The following NAALADL2 variants were observed in gnomAD, a reference collection of about 807,000 sequenced individuals.
NAALADL2 encodes the protein inactive N-acetylated-alpha-linked acidic dipeptidase-like protein 2.
NAALADL2 carries 76 observed loss-of-function variants against 87.2 expected under a neutral mutation model. That is an observed-to-expected ratio of 0.87 (90% CI 0.72 to 1.05). The LOEUF (loss-of-function observed/expected upper bound fraction) is 1.05. Ranked by LOEUF, NAALADL2 falls within the 50% of genes least tolerant of loss-of-function variation. The pLI is 0.00. For missense variants in NAALADL2, 1,089 were observed against 945.8 expected, an observed-to-expected ratio of 1.15 and a Z score of -1.99; for synonymous variants, 354 against 331.0, an observed-to-expected ratio of 1.07 and a Z score of -0.75.
intron 13 of NAALADL2, among the ~76,000 whole-genome samples, chr3:175,757,387 G>T (rs1311859421): frequency 6.6e-6 from 1 of 151,974 alleles, no homozygotes; most frequent in Admixed American, 6.6e-5. Flanking sequence ...GAGGTTTAAG[G>T]TGCCCATTAG....
At chr3:174,457,770 C>A (rs1715939358) in intron 1 of NAALADL2, among the ~76,000 whole-genome samples, 3 of 151,898 alleles carry the variant, frequency 2.0e-5, no homozygotes, top group Admixed American at 2.0e-4. Flanking sequence ...AAGATCGTGC[C>A]ATTGCACTTC....
chr3:174,824,756 TTA>T (rs1721798663), intron 3 of NAALADL2, among the ~76,000 whole-genome samples: 1 of 152,336 alleles, frequency 6.6e-6, no homozygotes, highest in South Asian at 2.1e-4. Context: ...CTGACATTCA[TTA>T]TGTCTGTGCT....
intron 3 of NAALADL2, among the ~76,000 whole-genome samples, chr3:174,740,533 A>G (rs894643391): frequency 6.6e-6 from 1 of 151,924 alleles, no homozygotes; most frequent in African/African-American, 2.4e-5. Flanking sequence ...AAAATGTGAC[A>G]GTGGCTTTAA....
chr3:175,275,446 C>T (rs1264225063), intron 4 of NAALADL2, among the ~76,000 whole-genome samples: 1 of 145,976 alleles, frequency 6.9e-6, no homozygotes, highest in Non-Finnish European at 1.5e-5. Flanking sequence ...TTCATTTATA[C>T]ACATCTGGAC....
intron 1 of NAALADL2, among the ~76,000 whole-genome samples, chr3:174,891,582 C>T (rs1028251105): frequency 1.3e-5 from 2 of 152,038 alleles, no homozygotes; most frequent in Non-Finnish European, 2.9e-5. Flanking sequence ...CAGCTGACAC[C>T]GCTTACAGAG....
chr3:175,337,302 C>T (rs948167722), intron 5 of NAALADL2, among the ~76,000 whole-genome samples: 4 of 151,854 alleles, frequency 2.6e-5, no homozygotes, highest in African/African-American at 9.7e-5. Context: ...ATATATTTGA[C>T]CATGGAATCC....
chr3:175,564,707 G>T (rs1716825382), intron 9 of NAALADL2, among the ~76,000 whole-genome samples: 2 of 152,174 alleles, frequency 1.3e-5, no homozygotes, highest in Admixed American at 1.3e-4. Context: ...GGTCATTTAA[G>T]GTCCTATGGG....
intron 5 of NAALADL2, among the ~76,000 whole-genome samples, chr3:175,423,162 A>T (rs1356274941): frequency 2.0e-5 from 1 of 49,026 alleles, no homozygotes; most frequent in Non-Finnish European, 4.0e-5. Context: ...ATGTTCTAAG[A>T]AAGGGAGGGG....
At chr3:175,773,419 G>A (rs1749772132) in intron 13 of NAALADL2, 1 of 152,002 alleles carries the variant, frequency 6.6e-6, no homozygotes, top group South Asian at 2.1e-4. Flanking sequence ...GGAACCTGCT[G>A]GTGATTGCTT....
chr3:175,585,573 T>C (rs1270891309), intron 10 of NAALADL2, among the ~76,000 whole-genome samples: 2 of 152,172 alleles, frequency 1.3e-5, no homozygotes, highest in Admixed American at 6.5e-5. Flanking sequence ...TTCCTTGTAG[T>C]AGTTTGTTTA....
At chr3:175,111,168 G>T (rs982172987) in intron 2 of NAALADL2, among the ~76,000 whole-genome samples, 1 of 151,690 alleles carries the variant, frequency 6.6e-6, no homozygotes, top group African/African-American at 2.4e-5. Flanking sequence ...GTGCGGGGAA[G>T]AAGATGATTC....
intron 3 of NAALADL2, among the ~76,000 whole-genome samples, chr3:174,814,107 TTTTA>T (rs1435761820): frequency 2.6e-5 from 4 of 151,768 alleles, no homozygotes; most frequent in African/African-American, 7.3e-5. Context: ...ATTTATTTAT[TTTTA>T]TTTATTTATT....
intron 4 of NAALADL2, among the ~76,000 whole-genome samples, chr3:175,309,793 T>C (rs936298068): frequency 1.3e-5 from 2 of 152,336 alleles, no homozygotes; most frequent in South Asian, 4.1e-4. Context: ...ATTTTACGTT[T>C]CTGAAAATCC....
intron 11 of NAALADL2, among the ~76,000 whole-genome samples, chr3:175,692,102 T>G (rs1737127024): frequency 6.6e-6 from 1 of 152,126 alleles, no homozygotes; most frequent in Admixed American, 6.6e-5. Context: ...ATTTCCAGAA[T>G]TCTTCTGAAA....
chr3:175,160,139 G>T (rs115388665), intron 2 of NAALADL2, among the ~76,000 whole-genome samples: 1 of 151,254 alleles, frequency 6.6e-6, no homozygotes, highest in Admixed American at 6.6e-5. Flanking sequence ...TTGTCAGGCC[G>T]CAAGTGATTT....
chr3:175,667,241 A>AAT lies in NAALADL2; in HGVS notation c.1896+39856_1896+39857insTA, dbSNP rs1182682303. On this transcript the variant is annotated intron_variant, in intron 11 of 13. Transcript: ENST00000454872. ...AAAGAAAGAAAGAAAGAAAGAAAGA[A>AAT]AAAGAAAGAAAGAAAGAAAGAAAGG... 3.0e-3 allele frequency among the ~76,000 whole-genome samples: 273 copies of AAT among 91,782 alleles called. 3 individuals are homozygous for AAT. Among genetic ancestry groups the AAT allele is most frequent in the African/African-American group, 0.014 (267 of 19,714 alleles). 60.2% of individuals were successfully genotyped at this position (91,782 alleles called of 152,430 possible). A position where few individuals can be genotyped will look rare whatever the true frequency, so the allele number is the denominator to read the frequency against.
At chr3:174,928,801 T>C (rs1329127654) in intron 1 of NAALADL2, among the ~76,000 whole-genome samples, 1 of 152,180 alleles carries the variant, frequency 6.6e-6, no homozygotes, top group Non-Finnish European at 1.5e-5. Context: ...GTGTATTTCA[T>C]TGGTGAATGC....
In NAALADL2 at chr3:175,492,131, GT is replaced by G. The variant is rs1014711268; in HGVS notation, c.1653+20375del. Among the ~76,000 whole-genome samples, 48 of 152,228 alleles carry G rather than the reference GT, an allele frequency of 3.2e-4. 1 individual carries two copies. Among genetic ancestry groups the G allele is most frequent in the African/African-American group, 7.9e-4 (33 of 41,534 alleles). On this transcript the variant is annotated intron_variant, in intron 9 of 13. Coordinates refer to ENST00000454872, the MANE Select transcript of NAALADL2 (RefSeq NM_207015.3). ...TTCAAAAGAATTTCCACGGTAAAAT[GT>G]TCTTTTTAGTTTTGACATGAGAAAA...
chr3:175,439,971 T>G (rs998261089), intron 5 of NAALADL2, among the ~76,000 whole-genome samples: 9 of 152,202 alleles, frequency 5.9e-5, no homozygotes, highest in African/African-American at 1.9e-4. Flanking sequence ...TAAGCCAGTG[T>G]CTAGAAGGGT....
Sources: gnomAD v4.1 joint callset for allele counts (sites outside exome capture counted in the v4.1 genomes callset) on GRCh38, gnomAD v4.1.1 for gene constraint, MANE v1.5 for transcripts, NCBI Gene and HGNC (gene_info 2026-07-23, HGNC 2026-07-21) for gene names.